The following HSPA4 variants were observed in gnomAD, a reference collection of about 807,000 sequenced individuals.
The protein encoded by HSPA4 is heat shock protein family A (Hsp70) member 4, also known as heat shock 70 kDa protein 4.
In HSPA4, 25 loss-of-function variants were observed where a neutral mutation model predicts 106.2. That is an observed-to-expected ratio of 0.24 (90% CI 0.17 to 0.33). HSPA4 has a LOEUF of 0.33. Among genes scored for constraint, HSPA4 ranks in the 10% least tolerant of loss-of-function variants. The pLI, the probability that HSPA4 is intolerant of heterozygous loss-of-function variation, is 1.00. For missense variants in HSPA4, 841 were observed against 996.0 expected (o/e 0.84, Z 2.10); for synonymous variants, 332 against 333.6 (o/e 1.00, Z 0.05).
In HSPA4 at chr5:133,070,450, C is replaced by G; in HGVS notation, c.383C>G (p.Thr128Arg). Residue 128 changes from threonine to arginine, a missense_variant, in exon 4 of 19, where the codon ACA (threonine) becomes AGA (arginine). Coordinates refer to ENST00000304858, the MANE Select transcript of HSPA4 (RefSeq NM_002154.4). ...ATGCTTTTGTCCAAACTGAAGGAGA[C>G]AGCCGAAAGTGTTCTTAAGAAGCCT... The part of the protein sequence containing the change: ...TAMLLSKLKE[T>R]AESVLKKPVV... 1 of 1,613,572 alleles carries G rather than the reference C, an allele frequency of 6.2e-7. No individual in the cohort carries two copies. Among genetic ancestry groups the G allele is most frequent in the Non-Finnish European group, 8.5e-7 (1 of 1,179,824 alleles).
rs759136502 is a variant in HSPA4 at position 133,065,033 on chromosome 5, G to A, written c.161G>A (p.Ser54Asn). ...KNRSIGAAAK[S>N]QVISNAKNTV... ...CGTTCAATTGGAGCAGCAGCTAAAA[G>A]CCAGGTAAAGTTTCATTTTTTTCCT... The change falls in exon 2 of 19, where the codon AGC (serine) becomes AAC (asparagine). Residue 54 changes from serine (S) to asparagine (N), a missense_variant. Transcript: ENST00000304858. 1.2e-6 allele frequency: 2 copies of A among 1,613,790 alleles called. No homozygotes were observed. Among genetic ancestry groups the A allele is most frequent in the South Asian group, 1.1e-5 (1 of 91,044 alleles).
At chr5:133,053,029 ACT>A (rs536779629) in intron 1 of HSPA4, 6 of 152,226 alleles carry the variant, frequency 3.9e-5, no homozygotes, top group East Asian at 1.9e-4. Context: ...ATATTGGGTC[ACT>A]CTCTGTTTTG....
At chr5:133,059,834 G>A (rs1469859160) in intron 1 of HSPA4, among the ~76,000 whole-genome samples, 1 of 152,294 alleles carries the variant, frequency 6.6e-6, no homozygotes, top group Admixed American at 6.5e-5. Context: ...TGAGAACTAT[G>A]AAACAAGGGA....
At chr5:133,059,574 C>T (rs1299187108) in intron 1 of HSPA4, among the ~76,000 whole-genome samples, 2 of 152,006 alleles carry the variant, frequency 1.3e-5, no homozygotes, top group Non-Finnish European at 2.9e-5. Flanking sequence ...TATCGAGCCA[C>T]TGCATTCCAG....
chr5:133,073,852 T>C (rs1765414673), intron 5 of HSPA4, 141 bp from the exon 6 acceptor site: 1 of 502,050 alleles, frequency 2.0e-6, no homozygotes, highest in Non-Finnish European at 3.4e-6. Flanking sequence ...GAATAAATTA[T>C]ACAGTGCTTA....
In HSPA4 at chr5:133,089,272, G is replaced by A. The variant is rs1581477310; in HGVS notation, c.1244+111G>A. 4 of 651,570 alleles carry A rather than the reference G, an allele frequency of 6.1e-6. No homozygotes were observed. The East Asian group carries it at 1.1e-4, about 18-fold the overall frequency. 40.4% of individuals were successfully genotyped at this position (651,570 alleles called of 1,614,324 possible). On this transcript the variant is annotated intron_variant, in intron 10 of 18. Coordinates refer to ENST00000304858, the MANE Select transcript of HSPA4 (RefSeq NM_002154.4). ...TAAATCTGTAACATTTTATCATAGT[G>A]CATGAAGGAAGTGGTCATTTATTTT...
At chr5:133,057,920 A>G (rs539590218) in intron 1 of HSPA4, among the ~76,000 whole-genome samples, 1 of 152,372 alleles carries the variant, frequency 6.6e-6, no homozygotes, top group African/African-American at 2.4e-5. Context: ...AGCAGTAAAT[A>G]GAATGAGTCC....
chr5:133,098,601 G>T (rs1046778009), intron 15 of HSPA4, among the ~76,000 whole-genome samples: 6 of 152,218 alleles, frequency 3.9e-5, no homozygotes, highest in Non-Finnish European at 7.4e-5. Flanking sequence ...GGGATTACAG[G>T]CGTGAGTCAC....
At chr5:133,092,664 T>A (rs1765660239) in intron 12 of HSPA4, 36 bp from the exon 13 acceptor site, 2 of 1,361,378 alleles carry the variant, frequency 1.5e-6, no homozygotes, top group Non-Finnish European at 1.1e-6. Context: ...TGTTTAGTCT[T>A]CCTAATTGCA....
chr5:133,106,122 T>TGG lies in HSPA4; in HGVS notation c.*1686_*1687insGG, dbSNP rs1765857228. The TGG allele has an allele frequency of 2.4e-5, 2 of 83,754 alleles. No homozygotes were observed. Among genetic ancestry groups the TGG allele is most frequent in the East Asian group, 4.0e-4 (1 of 2,470 alleles). 5.2% of individuals were successfully genotyped at this position (83,754 alleles called of 1,614,324 possible). Reference sequence around the variant, plus strand: ...AAAAAATTTTTTTTTTTTTTTTTTTTTTTTTTTTTTTTTTTTTTGGTGTGT... The same window carrying TGG: ...AAAAAATTTTTTTTTTTTTTTTTTTTGGTTTTTTTTTTTTTTTTTTGGTGTGT... On this transcript the variant is annotated 3_prime_UTR_variant, in exon 19 of 19. Transcript: ENST00000304858.
At chr5:133,061,958 T>C (rs75425994) in intron 1 of HSPA4, among the ~76,000 whole-genome samples, 2,376 of 152,204 alleles carry the variant, frequency 0.016, 30 homozygotes, top group Middle Eastern at 0.037. Context: ...ATTTGGGGGC[T>C]GGGGTGGGTT....
intron 7 of HSPA4, among the ~76,000 whole-genome samples, chr5:133,083,597 G>A (rs2126707956): frequency 6.6e-6 from 1 of 152,068 alleles, no homozygotes; most frequent in African/African-American, 2.4e-5. Flanking sequence ...GAGTGCAATG[G>A]CATGATTTCA....
chr5:133,071,785 AAG>A (rs1765385453), intron 4 of HSPA4, among the ~76,000 whole-genome samples: 1 of 152,194 alleles, frequency 6.6e-6, no homozygotes. Flanking sequence ...ATTTGTCAGA[AAG>A]AATTGGATTA....
chr5:133,103,063 T>C (rs192545051), intron 17 of HSPA4, among the ~76,000 whole-genome samples: 336 of 151,986 alleles, frequency 2.2e-3, no homozygotes, highest in African/African-American at 7.7e-3. Context: ...TGTTTTTTTT[T>C]CCTCCTTCTT....
chr5:133,080,713 C>A (rs191502345), intron 7 of HSPA4, among the ~76,000 whole-genome samples: 1 of 151,050 alleles, frequency 6.6e-6, no homozygotes, highest in African/African-American at 2.4e-5. Flanking sequence ...TTTGTATTTG[C>A]CATTTTTGGT....
At chr5:133,069,715 A>G (rs761350036) in intron 3 of HSPA4, among the ~76,000 whole-genome samples, 5 of 152,242 alleles carry the variant, frequency 3.3e-5, no homozygotes, top group Non-Finnish European at 7.3e-5. Flanking sequence ...TACACATAGT[A>G]TGTCAGATAG....
chr5:133,054,260 T>TGGCGTAATCTCGGCTCACTGCAGC (rs1304508037), intron 1 of HSPA4, among the ~76,000 whole-genome samples: 1 of 152,086 alleles, frequency 6.6e-6, no homozygotes, highest in Non-Finnish European at 1.5e-5. Flanking sequence ...TGGAGTGCAG[T>TGGCGTAATCTCGGCTCACTGCAGC]GGCGTAATCT....
At position 133,074,071 on chromosome 5, in the gene HSPA4, T is replaced by C. The variant is rs769655551; in HGVS notation, c.608T>C (p.Met203Thr). 6.2e-7 allele frequency: 1 copy of C among 1,607,126 alleles called. No individual in the cohort carries two copies. The highest frequency in any genetic ancestry group is 1.7e-5 in the Admixed American group (1 of 59,120). Residue 203 changes from methionine (M) to threonine (T), a missense_variant, in exon 6 of 19, where the codon ATG (methionine) becomes ACG (threonine). Physicochemically the swap from Met to Thr is moderately conservative, Grantham distance 81. Coordinates refer to ENST00000304858, the MANE Select transcript of HSPA4 (RefSeq NM_002154.4). ...CCAAGAAATGTAGTTTTTGTAGACA[T>C]GGGCCACTCTGCTTATCAAGTTTCT... ...EKPRNVVFVD[M>T]GHSAYQVSVC... is the part of the protein sequence containing the mutation.
chr5:133,059,649 G>A (rs763151061), intron 1 of HSPA4, among the ~76,000 whole-genome samples: 5 of 152,088 alleles, frequency 3.3e-5, no homozygotes, highest in Admixed American at 1.3e-4. Context: ...GTGTGTATAC[G>A]TGGGGTTTGG....
Sources: allele counts gnomAD v4.1 joint callset (sites outside exome capture counted in the v4.1 genomes callset), GRCh38; gene constraint gnomAD v4.1.1; transcripts MANE v1.5; gene names NCBI Gene and HGNC (gene_info 2026-07-23, HGNC 2026-07-21).